The following PLPPR5 variants were observed in gnomAD, a reference collection of about 807,000 sequenced individuals.
PLPPR5 encodes phospholipid phosphatase related 5, also known as phospholipid phosphatase-related protein type 5.
In PLPPR5, 16 loss-of-function variants were observed where a neutral mutation model predicts 33.9. That is an observed-to-expected ratio of 0.47 (90% CI 0.32 to 0.72). PLPPR5 has a LOEUF of 0.72. Among genes scored for constraint, PLPPR5 ranks in the 30% least tolerant of loss-of-function variants. PLPPR5 has a pLI of 0.03. For missense variants in PLPPR5, 301 were observed against 406.7 expected (o/e 0.74, Z 2.23); for synonymous variants, 163 against 150.3 (o/e 1.08, Z -0.62).
chr1:98,936,922 T>C (rs1039919740), intron 3 of PLPPR5, among the ~76,000 whole-genome samples: 2 of 152,198 alleles, frequency 1.3e-5, no homozygotes, highest in Non-Finnish European at 1.5e-5. Flanking sequence ...CCAATCAACC[T>C]ATTTTTCTAA....
chr1:98,956,519 G>C, intron 2 of PLPPR5, 90 bp downstream of exon 2: 1 of 1,262,118 alleles, frequency 7.9e-7, no homozygotes, highest in Non-Finnish European at 1.1e-6. Context: ...CCTAATATTT[G>C]CAAACAGTTA....
chr1:98,987,675 C>A (rs974332849), intron 1 of PLPPR5, among the ~76,000 whole-genome samples: 9 of 151,866 alleles, frequency 5.9e-5, no homozygotes, highest in African/African-American at 9.7e-5. Flanking sequence ...CTTTAGATCA[C>A]ACCATGGGAC....
intron 3 of PLPPR5, among the ~76,000 whole-genome samples, chr1:98,938,944 A>G (rs1212010000): frequency 2.0e-5 from 3 of 152,148 alleles, no homozygotes; most frequent in African/African-American, 7.2e-5. Context: ...GAACACATAC[A>G]GAGGAACAAC....
chr1:98,955,612 A>C (rs309065), intron 2 of PLPPR5, among the ~76,000 whole-genome samples: 85,506 of 151,938 alleles, frequency 0.56, 24,979 homozygotes, highest in East Asian at 0.73. Flanking sequence ...TTTCGTCTTC[A>C]GAGAGATCCA....
At chr1:98,968,039 C>T (rs929255951) in intron 1 of PLPPR5, among the ~76,000 whole-genome samples, 39 of 152,044 alleles carry the variant, frequency 2.6e-4, no homozygotes, top group African/African-American at 8.9e-4. Flanking sequence ...TCACAAGCTA[C>T]GAGCATTCTT....
At chr1:98,959,760 T>C (rs1332095238) in intron 1 of PLPPR5, among the ~76,000 whole-genome samples, 1 of 151,942 alleles carries the variant, frequency 6.6e-6, no homozygotes, top group African/African-American at 2.4e-5. Flanking sequence ...TCCCAGGAGG[T>C]TTAGGTTGAG....
intron 5 of PLPPR5, among the ~76,000 whole-genome samples, chr1:98,897,807 AAT>A (rs1648534261): frequency 6.6e-6 from 1 of 152,116 alleles, no homozygotes; most frequent in African/African-American, 2.4e-5. Context: ...TCATCTGTGA[AAT>A]AGAGATAAGA....
chr1:98,985,950 G>A (rs1362068273), intron 1 of PLPPR5, among the ~76,000 whole-genome samples: 1 of 152,002 alleles, frequency 6.6e-6, no homozygotes, highest in Non-Finnish European at 1.5e-5. Context: ...ATATTTTGAG[G>A]TGGCATTTCC....
chr1:98,996,186 G>A (rs1652626495), intron 1 of PLPPR5, among the ~76,000 whole-genome samples: 1 of 151,876 alleles, frequency 6.6e-6, no homozygotes, highest in African/African-American at 2.4e-5. Context: ...TTTTGTGGGG[G>A]TGAGGGAAGC....
At chr1:98,944,419 A>G (rs1650482297) in intron 3 of PLPPR5, among the ~76,000 whole-genome samples, 1 of 152,180 alleles carries the variant, frequency 6.6e-6, no homozygotes, top group Non-Finnish European at 1.5e-5. Flanking sequence ...TCGCAAAGTG[A>G]TGGTATTAAG....
chr1:98,966,070 T>C (rs1423742973), intron 1 of PLPPR5, among the ~76,000 whole-genome samples: 1 of 152,210 alleles, frequency 6.6e-6, no homozygotes. Context: ...AATTTCCCTG[T>C]TTTTAAAAAG....
At chr1:98,948,624 T>C (rs191077) in intron 3 of PLPPR5, among the ~76,000 whole-genome samples, 86,495 of 151,956 alleles carry the variant, frequency 0.57, 25,309 homozygotes, top group East Asian at 0.72. Context: ...ACCTAAGTCT[T>C]AAGATACCCT....
chr1:98,914,639 A>T (rs985417877), intron 5 of PLPPR5, 147 bp downstream of exon 5: 2 of 670,004 alleles, frequency 3.0e-6, no homozygotes, highest in Non-Finnish European at 4.6e-6. Flanking sequence ...TTCTATGATT[A>T]TCTCTTTAGT....
intron 5 of PLPPR5, among the ~76,000 whole-genome samples, chr1:98,900,796 C>T (rs1648669801): frequency 6.6e-6 from 1 of 152,112 alleles, no homozygotes; most frequent in African/African-American, 2.4e-5. Flanking sequence ...TAAAACTCCT[C>T]ATTTAAAAAC....
intron 3 of PLPPR5, among the ~76,000 whole-genome samples, chr1:98,946,394 A>G (rs1020200426): frequency 6.6e-6 from 1 of 152,200 alleles, no homozygotes; most frequent in Non-Finnish European, 1.5e-5. Flanking sequence ...CAAGTCATAA[A>G]GCCTCAGGTT....
chr1:98,950,190 C>G (rs1330376485), intron 3 of PLPPR5, among the ~76,000 whole-genome samples: 3 of 12,000 alleles, frequency 2.5e-4, no homozygotes, highest in African/African-American at 3.5e-4. Context: ...TTTGAGTCTC[C>G]TCATTTATAA....
intron 5 of PLPPR5, among the ~76,000 whole-genome samples, chr1:98,910,252 G>A (rs917253829): frequency 3.3e-5 from 5 of 152,040 alleles, no homozygotes; most frequent in African/African-American, 1.2e-4. Flanking sequence ...TTTTTCAGAG[G>A]GCCAGCTTTA....
intron 1 of PLPPR5, among the ~76,000 whole-genome samples, chr1:98,975,926 G>A (rs148363375): frequency 1.7e-3 from 256 of 151,710 alleles, no homozygotes; most frequent in African/African-American, 5.8e-3. Context: ...TGGATCCCAC[G>A]CCTAGCAAGC....
chr1:98,893,797 A>C (rs1296092238), intron 5 of PLPPR5, among the ~76,000 whole-genome samples: 1 of 151,926 alleles, frequency 6.6e-6, no homozygotes, highest in Non-Finnish European at 1.5e-5. Context: ...TTATGTCAAG[A>C]TCTAATATGA....
Sources: allele counts gnomAD v4.1 joint callset (sites outside exome capture counted in the v4.1 genomes callset), GRCh38; gene constraint gnomAD v4.1.1; transcripts MANE v1.5; gene names NCBI Gene and HGNC (gene_info 2026-07-23, HGNC 2026-07-21).